Variants in GGT1 observed in about 807,000 individuals in gnomAD.
GGT1 encodes the protein glutathione hydrolase 1 proenzyme.
Under a neutral mutation model 56.0 loss-of-function variants are expected in GGT1, and 21 were observed. The ratio of observed to expected loss-of-function variants is 0.38; its 90% CI spans 0.27 to 0.54. The LOEUF (loss-of-function observed/expected upper bound fraction) is 0.54. GGT1 is among the 20% of genes least tolerant of loss of function. The pLI, the probability that GGT1 is intolerant of heterozygous loss-of-function variation, is 0.82. For synonymous variants in GGT1, 238 were observed against 342.6 expected, an observed-to-expected ratio of 0.69 and a Z score of 3.37; for missense variants, 466 against 787.0, an observed-to-expected ratio of 0.59 and a Z score of 4.88.
chr22:24,620,221 C>T lies in GGT1; in HGVS notation c.383-107C>T. ...AAAAAAAATCTTTCCTCCTAAGCCT[C>T]ATTGCCCCATCTGTAAAATGAGTCA... On this transcript the variant is annotated intron_variant, in intron 7 of 15. Coordinates refer to ENST00000400382, the MANE Select transcript of GGT1 (RefSeq NM_001288833.2). This position sits in a 1 kb window ranked among gnomAD's most constrained non-coding sequence, Gnocchi z 5.6. 7.4e-7 allele frequency: 1 copy of T among 1,347,076 alleles called. No homozygotes were observed. Among genetic ancestry groups the T allele is most frequent in the African/African-American group, 1.4e-5 (1 of 69,864 alleles). The allele number at this position is 1,347,076 out of a possible 1,614,324, so 83.4% of individuals were successfully genotyped here.
chr22:24,585,781 C>T, the GGT1 span: 27 of 1,178,070 alleles, frequency 2.3e-5, no homozygotes, highest in South Asian at 3.2e-5. Flanking sequence ...TGAGCATTTA[C>T]ACTGGATTTC....
chr22:24,604,869 G>A (rs2045934054), intron 1 of GGT1, among the ~76,000 whole-genome samples: 1 of 148,074 alleles, frequency 6.8e-6, no homozygotes, highest in Non-Finnish European at 1.5e-5. Flanking sequence ...CTCAGCTGCT[G>A]CCAGGCTTCA....
chr22:24,624,205 G>A, intron 11 of GGT1: 2 of 985,140 alleles, frequency 2.0e-6, no homozygotes, highest in Non-Finnish European at 2.4e-6. Context: ...AATGCATGGG[G>A]GCATTGCAGC....
At position 24,615,145 on chromosome 22, in the gene GGT1, C is replaced by G; in HGVS notation, c.382+18C>G. 6.3e-7 allele frequency: 1 copy of G among 1,588,074 alleles called. No individual in the cohort carries two copies. The highest frequency in any genetic ancestry group is 8.6e-7 in the Non-Finnish European group (1 of 1,158,562). The stretch of plus-strand genomic sequence containing the variant: ...CCAGAAGGGTAAGCCATGCGGCAGA[C>G]TTGGGGCGTGGGTGCAGAGCTGGCT... On this transcript the variant is annotated intron_variant, in intron 7 of 15. Coordinates refer to ENST00000400382, the MANE Select transcript of GGT1 (RefSeq NM_001288833.2).
chr22:24,605,886 T>C (rs2046221867), intron 1 of GGT1, among the ~76,000 whole-genome samples: 1 of 69,860 alleles, frequency 1.4e-5, no homozygotes, highest in South Asian at 3.7e-4. Context: ...TAATATATGA[T>C]GTGTATTATA....
the GGT1 span, chr22:24,583,861 G>T: frequency 4.3e-6 from 2 of 461,628 alleles, no homozygotes; most frequent in Non-Finnish European, 4.5e-6. Context: ...TAGGGCCAGT[G>T]GTGGGCAGGG....
the GGT1 span, chr22:24,588,888 T>C: frequency 9.9e-7 from 1 of 1,005,454 alleles, no homozygotes. Flanking sequence ...CAGTCCTAAC[T>C]GGGCTCCGGC....
chr22:24,611,750 G>C (rs1298067207), intron 5 of GGT1, among the ~76,000 whole-genome samples: 1 of 151,016 alleles, frequency 6.6e-6, no homozygotes, highest in East Asian at 1.9e-4. Flanking sequence ...GATTACAGGC[G>C]TGCGCCACCA....
At chr22:24,596,257 C>T (rs554452752) in intron 1 of GGT1, among the ~76,000 whole-genome samples, 1 of 152,332 alleles carries the variant, frequency 6.6e-6, no homozygotes, top group South Asian at 2.1e-4. Flanking sequence ...TGGCTTAAAG[C>T]AACAGAATAG....
chr22:24,590,292 TA>T (rs888821560), upstream of GGT1, among the ~76,000 whole-genome samples: 68 of 151,526 alleles, frequency 4.5e-4, no homozygotes, highest in African/African-American at 1.6e-3. Flanking sequence ...TATGCTCAGC[TA>T]ATTAAAAAAA....
At chr22:24,594,512 G>A (rs1420819914), upstream of GGT1, among the ~76,000 whole-genome samples, 1 of 151,746 alleles carries the variant, frequency 6.6e-6, no homozygotes, top group Non-Finnish European at 1.5e-5. Context: ...AGAGGGCAGG[G>A]TGCTAGGCTC....
At chr22:24,594,732 C>T (rs970999935), upstream of GGT1, 2 of 152,314 alleles carry the variant, frequency 1.3e-5, no homozygotes, top group African/African-American at 4.8e-5. Flanking sequence ...CAGGTTTCCT[C>T]CCTGGCAAAC....
upstream of GGT1, among the ~76,000 whole-genome samples, chr22:24,594,423 G>GTGTGTGTGTGTGTC (rs1394742408): frequency 1.3e-5 from 2 of 151,796 alleles, no homozygotes; most frequent in East Asian, 3.9e-4. Flanking sequence ...GTGTGTGTGT[G>GTGTGTGTGTGTGTC]TGTCTGCTAA....
At chr22:24,592,631 C>G, upstream of GGT1, 3 of 619,278 alleles carry the variant, frequency 4.8e-6, no homozygotes, top group Admixed American at 6.9e-5. Flanking sequence ...TCCACACGGT[C>G]CGCCGACCTC....
At position 24,620,263 on chromosome 22, in the gene GGT1, T is replaced by C. The variant is rs1364654515; in HGVS notation, c.383-65T>C. On this transcript the variant is annotated intron_variant, in intron 7 of 15. Transcript: ENST00000400382. The surrounding 1 kb of genome is among the most constrained non-coding windows in gnomAD (Gnocchi z 5.6). ...AATGAGTCAGGGACTGTGCCTGGGA[T>C]GCTGCCTGCGAGAGATCCCGATGTC... is the stretch of plus-strand genomic sequence containing the variant. 1 of 1,553,796 alleles carries C rather than the reference T, an allele frequency of 6.4e-7. No homozygotes were observed. The highest frequency in any genetic ancestry group is 8.7e-7 in the Non-Finnish European group (1 of 1,145,924).
At chr22:24,589,639 C>G in the GGT1 span, 2 of 710,242 alleles carry the variant, frequency 2.8e-6, no homozygotes, top group African/African-American at 1.8e-5. Flanking sequence ...CACACTTGCT[C>G]TAGCTGGTGG....
In GGT1 at chr22:24,628,056, C is replaced by T. The variant is rs777709727; in HGVS notation, c.1337-25C>T. ...TCCTGGGCAGGCAGCTGACGGGCAT[C>T]CCTGTCTTCTCCCATCGGCCGCAGG... is the stretch of plus-strand genomic sequence containing the variant. On this transcript the variant is annotated intron_variant, in intron 13 of 15. Coordinates refer to ENST00000400382, the MANE Select transcript of GGT1 (RefSeq NM_001288833.2). This position sits in a 1 kb window ranked among gnomAD's most constrained non-coding sequence, Gnocchi z 5.7. 9 of 1,611,566 alleles carry T rather than the reference C, an allele frequency of 5.6e-6. No individual in the cohort carries two copies. In the East Asian group the frequency reaches 1.3e-4, roughly 24 times the overall value.
intron 12 of GGT1, 25 bp downstream of exon 12, chr22:24,627,644 T>C: frequency 6.4e-7 from 1 of 1,572,054 alleles, no homozygotes; most frequent in Admixed American, 1.9e-5. Flanking sequence ...GCCGCCTGGG[T>C]GGGAAAGGGC....
upstream of GGT1, chr22:24,592,631 C>T: frequency 1.6e-6 from 1 of 619,278 alleles, no homozygotes; most frequent in Non-Finnish European, 2.6e-6. Context: ...TCCACACGGT[C>T]CGCCGACCTC....
Sources: gnomAD v4.1 joint callset for allele counts (sites outside exome capture counted in the v4.1 genomes callset) on GRCh38, gnomAD v4.1.1 for gene constraint, Gnocchi (gnomAD v3.1) non-coding constraint, MANE v1.5 for transcripts, NCBI Gene and HGNC (gene_info 2026-07-23, HGNC 2026-07-21) for gene names.